The following FAM169A variants were observed in gnomAD, a reference collection of about 807,000 sequenced individuals.
FAM169A encodes the protein soluble lamin-associated protein of 75 kDa.
Under a neutral mutation model 75.7 loss-of-function variants are expected in FAM169A, and 24 were observed. The observed-to-expected ratio is 0.32, with a 90% CI of 0.23 to 0.45. The LOEUF is 0.45. Ranked by LOEUF, FAM169A falls within the 20% of genes least tolerant of loss-of-function variation. The pLI, the probability that FAM169A is intolerant of heterozygous loss-of-function variation, is 1.00. For missense variants in FAM169A, 673 were observed against 784.0 expected, an observed-to-expected ratio of 0.86 and a Z score of 1.69; for synonymous variants, 271 against 271.0, an observed-to-expected ratio of 1.00 and a Z score of 0.00.
chr5:74,802,999 C>T (rs575811179), intron 8 of FAM169A, among the ~76,000 whole-genome samples: 1 of 152,094 alleles, frequency 6.6e-6, no homozygotes, highest in South Asian at 2.1e-4. Flanking sequence ...TTTGTGGCTA[C>T]TAACAAAAAG....
At chr5:74,824,877 A>G (rs1319266962) in intron 5 of FAM169A, among the ~76,000 whole-genome samples, 1 of 152,084 alleles carries the variant, frequency 6.6e-6, no homozygotes, top group East Asian at 1.9e-4. Context: ...TTAGGCATAG[A>G]TAGCTAGAAC....
chr5:74,820,770 C>G (rs1177414976), intron 5 of FAM169A, among the ~76,000 whole-genome samples: 2 of 152,126 alleles, frequency 1.3e-5, no homozygotes, highest in East Asian at 1.9e-4. Flanking sequence ...GATGTTACTC[C>G]TATACCCAAA....
chr5:74,785,109 A>C (rs1050738511), intron 11 of FAM169A, among the ~76,000 whole-genome samples: 2 of 152,000 alleles, frequency 1.3e-5, no homozygotes, highest in African/African-American at 4.8e-5. Flanking sequence ...TCACAAGGTC[A>C]GGAGTTCAAG....
At chr5:74,853,361 C>T (rs904187099) in intron 1 of FAM169A, among the ~76,000 whole-genome samples, 1 of 152,142 alleles carries the variant, frequency 6.6e-6, no homozygotes, top group African/African-American at 2.4e-5. Flanking sequence ...TCTCATTCCT[C>T]GAAATGATCC....
At chr5:74,839,780 T>C (rs1042680234) in intron 3 of FAM169A, among the ~76,000 whole-genome samples, 2 of 152,082 alleles carry the variant, frequency 1.3e-5, no homozygotes, top group Non-Finnish European at 2.9e-5. Context: ...CACCTCGACC[T>C]CCCAAAGTGC....
rs114127810 is a variant in FAM169A at position 74,854,942 on chromosome 5, T to C, written c.-4+11223A>G. On this transcript the variant is annotated intron_variant, in intron 1 of 12. Coordinates refer to ENST00000687041, the MANE Select transcript of FAM169A (RefSeq NM_001376049.1). Reference sequence around the variant, plus strand: ...CGGGAGTGCAGAAATCTCTTTGATATACTGATTTCTTTCTTTCTTTTGGGT... The same window carrying C: ...CGGGAGTGCAGAAATCTCTTTGATACACTGATTTCTTTCTTTCTTTTGGGT... 5.8e-3 allele frequency among the ~76,000 whole-genome samples: 882 copies of C among 152,320 alleles called. 8 individuals carry two copies. The highest frequency in any genetic ancestry group is 0.02 in the African/African-American group (825 of 41,572).
At chr5:74,783,290 A>G (rs1281406376) in intron 11 of FAM169A, among the ~76,000 whole-genome samples, 156 bp from the exon 12 acceptor site, 1 of 152,244 alleles carries the variant, frequency 6.6e-6, no homozygotes, top group African/African-American at 2.4e-5. Flanking sequence ...TACTGGGGGA[A>G]GGAGGAAACT....
intron 11 of FAM169A, among the ~76,000 whole-genome samples, chr5:74,794,672 A>G (rs1017188765): frequency 8.0e-5 from 12 of 150,386 alleles, no homozygotes; most frequent in African/African-American, 2.9e-4. Context: ...CCAGCTACTC[A>G]GGAGGCTGAG....
chr5:74,781,805 G>A lies in FAM169A; in HGVS notation c.1668C>T (p.Val556=). 1.2e-6 allele frequency: 2 copies of A among 1,614,040 alleles called. No individual in the cohort carries two copies. Among genetic ancestry groups the A allele is most frequent in the Non-Finnish European group, 1.7e-6 (2 of 1,179,990 alleles). The change falls in exon 13 of 13, where the codon GTC becomes GTT. Residue 556 remains valine (V), a synonymous_variant. Transcript: ENST00000687041. ...TAGTATTAGGAGACAAATTCTCAGA[G>A]ACCGGTTCTTCGGAAAATTCAGCTA... ...SVIAEFSEEP[V]SENLSPNTTS...
chr5:74,857,478 G>A (rs1023446690), intron 1 of FAM169A, among the ~76,000 whole-genome samples: 1 of 149,594 alleles, frequency 6.7e-6, no homozygotes, highest in Non-Finnish European at 1.5e-5. Flanking sequence ...AGTCCGGGAG[G>A]CAGAGGTTGC....
rs1745313380 is a variant in FAM169A at position 74,779,640 on chromosome 5, T to G, written c.*1820A>C. On this transcript the variant is annotated 3_prime_UTR_variant, in exon 13 of 13. Transcript: ENST00000687041. ...GTCATACTTTTTTTTTTTTACTTAG[T>G]ATTAGCATTTGTTGAAAAAATAAAT... 1.3e-5 allele frequency: 2 copies of G among 152,064 alleles called. No homozygotes were observed. Among genetic ancestry groups the G allele is most frequent in the Non-Finnish European group, 2.9e-5 (2 of 67,990 alleles). The allele number at this position is 152,064 out of a possible 1,614,324, so 9.4% of individuals were successfully genotyped here.
At chr5:74,801,235 T>C (rs1427189273) in intron 9 of FAM169A, among the ~76,000 whole-genome samples, 1 of 152,236 alleles carries the variant, frequency 6.6e-6, no homozygotes, top group African/African-American at 2.4e-5. Flanking sequence ...TGTCAAGTTA[T>C]ATGAACTGTG....
chr5:74,784,881 T>C (rs1745613233), intron 11 of FAM169A, among the ~76,000 whole-genome samples: 2 of 134,118 alleles, frequency 1.5e-5, no homozygotes, highest in Non-Finnish European at 3.1e-5. Flanking sequence ...ATCGCGCCAC[T>C]GCACTCCAGC....
intron 1 of FAM169A, among the ~76,000 whole-genome samples, chr5:74,857,835 G>T (rs1327854594): frequency 1.3e-5 from 2 of 151,980 alleles, no homozygotes; most frequent in Admixed American, 1.3e-4. Context: ...ACTTCTCTCT[G>T]CCCATTGTAA....
chr5:74,821,465 T>G (rs1006059637), intron 5 of FAM169A, among the ~76,000 whole-genome samples: 1 of 152,214 alleles, frequency 6.6e-6, no homozygotes, highest in Non-Finnish European at 1.5e-5. Context: ...GCCATCAGTG[T>G]GTGACTGTCT....
chr5:74,861,427 A>G (rs1374355486), intron 1 of FAM169A, among the ~76,000 whole-genome samples: 8 of 152,224 alleles, frequency 5.3e-5, no homozygotes, highest in Non-Finnish European at 1.0e-4. Flanking sequence ...CAGGAAACCC[A>G]AAACTAAATA....
Position 74,795,266 on chromosome 5 carries a change from A to G in FAM169A, c.1260+764T>C, listed in dbSNP as rs1162110548. ...AGAGCAAAACTCCGTCTCAAAAAGAAAAAGAAAACAAAATTGGTAATATAA... is the reference window on the plus strand; with the variant it reads ...AGAGCAAAACTCCGTCTCAAAAAGAGAAAGAAAACAAAATTGGTAATATAA... On this transcript the variant is annotated intron_variant, in intron 11 of 12. Transcript: ENST00000687041. 2.6e-5 allele frequency among the ~76,000 whole-genome samples: 4 copies of G among 152,336 alleles called. No individual in the cohort carries two copies. In the South Asian group the frequency reaches 8.3e-4, roughly 32 times the overall value.
In FAM169A at chr5:74,851,544, C is replaced by T. The variant is rs1749446461; in HGVS notation, c.-3-9865G>A. Among the ~76,000 whole-genome samples, 4 of 152,036 alleles carry T rather than the reference C, an allele frequency of 2.6e-5. No individual in the cohort carries two copies. The South Asian group carries it at 8.3e-4, about 32-fold the overall frequency. On this transcript the variant is annotated intron_variant, in intron 1 of 12. Transcript: ENST00000687041. Reference sequence around the variant, plus strand: ...GAAATAGAGAATGCTACTTACTTGCCTCGAAACATTTGCAAAAGCCTAACA... The same window carrying T: ...GAAATAGAGAATGCTACTTACTTGCTTCGAAACATTTGCAAAAGCCTAACA...
chr5:74,785,006 C>A (rs1351012033), intron 11 of FAM169A, among the ~76,000 whole-genome samples: 3 of 150,726 alleles, frequency 2.0e-5, no homozygotes, highest in Non-Finnish European at 4.4e-5. Flanking sequence ...GAAGTATGTA[C>A]AATATAATCT....
Sources: gnomAD v4.1 joint callset for allele counts (sites outside exome capture counted in the v4.1 genomes callset) on GRCh38, gnomAD v4.1.1 for gene constraint, MANE v1.5 for transcripts, NCBI Gene and HGNC (gene_info 2026-07-23, HGNC 2026-07-21) for gene names.